The following PSD3 variants were observed in gnomAD, a reference collection of about 807,000 sequenced individuals.
PSD3 encodes PH and SEC7 domain-containing protein 3.
In PSD3, 49 loss-of-function variants were observed where a neutral mutation model predicts 105.5. The observed-to-expected ratio is 0.46, with a 90% CI of 0.37 to 0.59. The LOEUF is 0.59. PSD3 is among the 20% of genes least tolerant of loss of function. The probability of loss-of-function intolerance (pLI) is 0.00; values close to 1 mark genes in which losing one functional copy is unlikely to be tolerated. For missense variants in PSD3, 1,561 were observed against 1,263.8 expected (o/e 1.24, Z -3.57); for synonymous variants, 557 against 457.8 (o/e 1.22, Z -2.77).
At chr8:18,592,688 A>AC (rs1803700385) in intron 12 of PSD3, among the ~76,000 whole-genome samples, 1 of 145,480 alleles carries the variant, frequency 6.9e-6, no homozygotes, top group African/African-American at 2.9e-5. Flanking sequence ...AGGTGCTCAA[A>AC]AAAACAAACA....
chr8:18,865,261 TATATATATATATATATATA>T (rs1563360268), intron 4 of PSD3: 500 of 7,776 alleles, frequency 0.064, 57 homozygotes, highest in East Asian at 0.15. Context: ...TATATATATA[TATATATATATATATATATA>T]TATATATTTT....
chr8:18,852,000 A>T (rs1815615943), intron 4 of PSD3, among the ~76,000 whole-genome samples: 1 of 152,238 alleles, frequency 6.6e-6, no homozygotes. Flanking sequence ...ACATCAGGTG[A>T]CGTAAACTAA....
chr8:18,723,315 T>G lies in PSD3; in HGVS notation c.2172+42134A>C, dbSNP rs73666701. Among the ~76,000 whole-genome samples the G allele has an allele frequency of 7.2e-3, 1,103 of 152,336 alleles. 11 individuals carry two copies. Among genetic ancestry groups the G allele is most frequent in the African/African-American group, 0.025 (1,022 of 41,582 alleles). ...AAAGCTAAGTGCCATAAGTAATACTTAGGAATGAGCTGTCATGCAAACTCT... is the reference window on the plus strand; with the variant it reads ...AAAGCTAAGTGCCATAAGTAATACTGAGGAATGAGCTGTCATGCAAACTCT... On this transcript the variant is annotated intron_variant, in intron 9 of 15. Transcript: ENST00000327040.
intron 4 of PSD3, among the ~76,000 whole-genome samples, chr8:18,822,080 C>A (rs922446347): frequency 3.9e-5 from 6 of 152,166 alleles, no homozygotes; most frequent in Admixed American, 2.0e-4. Flanking sequence ...TGTTTCACCA[C>A]CTTGATAATT....
intron 10 of PSD3, among the ~76,000 whole-genome samples, chr8:18,652,836 A>T (rs1808612883): frequency 6.6e-6 from 1 of 152,096 alleles, no homozygotes; most frequent in Admixed American, 6.6e-5. Flanking sequence ...ACACTGATAG[A>T]TGTCAGTGTT....
intron 15 of PSD3, among the ~76,000 whole-genome samples, chr8:18,537,582 C>T (rs1167302995): frequency 2.0e-5 from 3 of 152,040 alleles, no homozygotes; most frequent in Non-Finnish European, 2.9e-5. Flanking sequence ...ACCAGTAAGA[C>T]GTAAGGAAGA....
At chr8:18,586,836 G>A (rs1803223850) in intron 12 of PSD3, among the ~76,000 whole-genome samples, 1 of 152,184 alleles carries the variant, frequency 6.6e-6, no homozygotes, top group Admixed American at 6.5e-5. Context: ...CCCTTGGACA[G>A]GATTCCTTGA....
intron 9 of PSD3, among the ~76,000 whole-genome samples, chr8:18,687,323 G>A (rs537477056): frequency 5.9e-5 from 9 of 151,972 alleles, no homozygotes; most frequent in African/African-American, 9.6e-5. Flanking sequence ...AAAATTAGCC[G>A]GGCATGATGA....
At chr8:19,065,998 T>G (rs1384459312) in intron 1 of PSD3, among the ~76,000 whole-genome samples, 1 of 152,208 alleles carries the variant, frequency 6.6e-6, no homozygotes, top group African/African-American at 2.4e-5. Context: ...TTAAGAGTTC[T>G]ATGCTGGGAA....
intron 9 of PSD3, among the ~76,000 whole-genome samples, chr8:18,695,054 TCTCTAGGGGTAAAACTA>T (rs1000907167): frequency 2.1e-4 from 32 of 152,278 alleles, no homozygotes; most frequent in African/African-American, 6.3e-4. Flanking sequence ...ATTCCCAAAT[TCTCTAGGGGTAAAACTA>T]CTCCTTCCCC....
intron 11 of PSD3, among the ~76,000 whole-genome samples, chr8:18,601,956 C>T (rs541802189): frequency 2.6e-5 from 4 of 152,164 alleles, no homozygotes; most frequent in Non-Finnish European, 5.9e-5. Flanking sequence ...ACAATCTCAC[C>T]TGGTCTGAAA....
At chr8:18,538,869 C>T (rs1799982374) in intron 15 of PSD3, among the ~76,000 whole-genome samples, 1 of 152,238 alleles carries the variant, frequency 6.6e-6, no homozygotes, top group South Asian at 2.1e-4. Context: ...AGAGGTGTGG[C>T]AGTGCATGAG....
At chr8:19,006,713 G>A (rs139947913) in intron 1 of PSD3, among the ~76,000 whole-genome samples, 113 of 152,042 alleles carry the variant, frequency 7.4e-4, no homozygotes, top group African/African-American at 1.8e-3. Flanking sequence ...CACTGGACAC[G>A]GGCACCTTCA....
intron 1 of PSD3, among the ~76,000 whole-genome samples, chr8:19,077,474 C>T (rs972869788): frequency 1.7e-4 from 26 of 152,088 alleles, no homozygotes; most frequent in Admixed American, 1.4e-3. Flanking sequence ...GGAAGGTGGA[C>T]GTCCTTAAAA....
At chr8:18,741,403 A>G (rs2129434567) in intron 9 of PSD3, among the ~76,000 whole-genome samples, 1 of 152,314 alleles carries the variant, frequency 6.6e-6, no homozygotes, top group East Asian at 1.9e-4. Flanking sequence ...ATCTTTCCCT[A>G]GAGTTTGTTA....
chr8:18,666,453 G>A lies in PSD3; in HGVS notation c.2173-10768C>T, dbSNP rs542275745. On this transcript the variant is annotated intron_variant, in intron 9 of 15. Transcript: ENST00000327040. The stretch of plus-strand genomic sequence containing the variant: ...GCTGTGGTCTAGAACTGAACCTGTA[G>A]TATCTCCAAGGTCTGCCTGTTTAAA... Among the ~76,000 whole-genome samples, 9 of 152,326 alleles carry A rather than the reference G, an allele frequency of 5.9e-5. No homozygotes were observed. The East Asian group carries it at 1.7e-3, about 29-fold the overall frequency.
At chr8:18,703,080 C>T (rs757411719) in intron 9 of PSD3, among the ~76,000 whole-genome samples, 76 of 152,116 alleles carry the variant, frequency 5.0e-4, no homozygotes, top group Middle Eastern at 3.4e-3. Flanking sequence ...GAGGAACTCT[C>T]CTTATTTGAG....
chr8:18,647,878 C>CCT (rs1025940556), intron 10 of PSD3, among the ~76,000 whole-genome samples: 3 of 152,010 alleles, frequency 2.0e-5, no homozygotes, highest in African/African-American at 7.2e-5. Context: ...GCACCTGCCC[C>CCT]CTCTCTCTCT....
intron 10 of PSD3, among the ~76,000 whole-genome samples, chr8:18,643,381 A>G (rs1807793406): frequency 6.6e-6 from 1 of 152,214 alleles, no homozygotes; most frequent in African/African-American, 2.4e-5. Flanking sequence ...CATTCATTTC[A>G]TCACAGTGAC....
Sources: gnomAD v4.1 joint callset for allele counts (sites outside exome capture counted in the v4.1 genomes callset) on GRCh38, gnomAD v4.1.1 for gene constraint, MANE v1.5 for transcripts, NCBI Gene and HGNC (gene_info 2026-07-23, HGNC 2026-07-21) for gene names.